Variants in MCCC1 observed in about 807,000 individuals in gnomAD.
The protein encoded by MCCC1 is methylcrotonyl-CoA carboxylase subunit 1, also known as methylcrotonoyl-CoA carboxylase subunit alpha, mitochondrial.
In MCCC1, 64 loss-of-function variants were observed where a neutral mutation model predicts 83.8. That is an observed-to-expected ratio of 0.76 (90% CI 0.62 to 0.94). MCCC1 has a LOEUF of 0.94. Ranked by LOEUF, MCCC1 falls within the 40% of genes least tolerant of loss-of-function variation. MCCC1 has a pLI of 0.00. For missense variants in MCCC1, 807 were observed against 904.7 expected (o/e 0.89, Z 1.39); for synonymous variants, 322 against 315.4 (o/e 1.02, Z -0.22).
chr3:183,085,246 C>A (rs1242303346), intron 4 of MCCC1, among the ~76,000 whole-genome samples: 3 of 152,118 alleles, frequency 2.0e-5, no homozygotes, highest in Non-Finnish European at 4.4e-5. Context: ...CCACTTCAAT[C>A]ATCCATTTCC....
chr3:183,043,520 A>C (rs1303961990), intron 10 of MCCC1, among the ~76,000 whole-genome samples: 41 of 152,242 alleles, frequency 2.7e-4, no homozygotes, highest in Non-Finnish European at 2.9e-5. Flanking sequence ...GGACACTTAC[A>C]TCAGTCATCA....
At chr3:183,106,555 G>A (rs1719410532) in intron 1 of MCCC1, among the ~76,000 whole-genome samples, 1 of 147,790 alleles carries the variant, frequency 6.8e-6, no homozygotes, top group Non-Finnish European at 1.5e-5. Flanking sequence ...CTGGAGTGCA[G>A]GGGTGCAATC....
intron 7 of MCCC1, among the ~76,000 whole-genome samples, chr3:183,061,151 T>C (rs982680840): frequency 6.6e-6 from 1 of 152,164 alleles, no homozygotes; most frequent in Non-Finnish European, 1.5e-5. Context: ...CATTGCAACA[T>C]GGTGGTAGGG....
chr3:183,037,088 C>A, intron 13 of MCCC1, 130 bp downstream of exon 13: 6 of 877,774 alleles, frequency 6.8e-6, no homozygotes, highest in Non-Finnish European at 9.3e-6. Flanking sequence ...CTAAAAAACA[C>A]ATCTGAAAAG....
rs774352286 is a variant in MCCC1, at chr3:183,033,988, T to TA, written c.1681+2dup. ...ATTTCTCTTTTAATGAAACATTACT[T>TA]ACTGTTTTTACCATCTTTAAGAGTC... On this transcript the variant is annotated splice_region_variant and intron_variant, in intron 14 of 18. Coordinates refer to ENST00000265594, the MANE Select transcript of MCCC1 (RefSeq NM_020166.5). 1.7e-5 allele frequency: 27 copies of TA among 1,583,078 alleles called. No individual in the cohort carries two copies. In the African/African-American group the frequency reaches 3.5e-4, roughly 21 times the overall value.
At chr3:183,094,728 C>A in intron 1 of MCCC1, 123 bp from the exon 2 acceptor site, 1 of 930,258 alleles carries the variant, frequency 1.1e-6, no homozygotes, top group Non-Finnish European at 1.7e-6. Context: ...TTTAGTAAGA[C>A]TTTCTTAGTG....
intron 18 of MCCC1, 116 bp downstream of exon 18, chr3:183,017,150 G>A (rs965630564): frequency 1.3e-5 from 12 of 943,822 alleles, no homozygotes; most frequent in Admixed American, 3.5e-5. Context: ...TTAATGCTTC[G>A]TCAATCATGG....
rs1195106509 is a variant in MCCC1, at chr3:183,020,235, T to C, written c.1872A>G (p.Glu624=). The C allele has an allele frequency of 6.2e-6, 10 of 1,611,524 alleles. No homozygotes were observed. The highest frequency in any genetic ancestry group is 7.6e-6 in the Non-Finnish European group (9 of 1,177,698). ...CTGGAATGTCAATCTCAATACTTCC[T>C]TCCTAGAAACAGAAAACAAACTGAA... ...LENTIYLFSK[E]GSIEIDIPVP... The change falls in exon 17 of 19, where the codon GAA becomes GAG. Residue 624 remains glutamate, a splice_region_variant and synonymous_variant. Transcript: ENST00000265594.
chr3:183,081,095 G>C (rs79456945), intron 4 of MCCC1, among the ~76,000 whole-genome samples: 4 of 152,110 alleles, frequency 2.6e-5, no homozygotes, highest in Admixed American at 6.5e-5. Context: ...AAATTCAGTC[G>C]TACACTCTGG....
At chr3:183,068,663 A>C (rs1281740747) in intron 7 of MCCC1, among the ~76,000 whole-genome samples, 1 of 152,258 alleles carries the variant, frequency 6.6e-6, no homozygotes, top group Middle Eastern at 3.2e-3. Context: ...ACACAATGAC[A>C]TTCCATCAAT....
chr3:183,030,941 GTATT>G (rs776439026), intron 14 of MCCC1, among the ~76,000 whole-genome samples: 24 of 152,164 alleles, frequency 1.6e-4, no homozygotes, highest in Non-Finnish European at 2.9e-4. Context: ...AATACGACAT[GTATT>G]TAACTGGCGC....
At chr3:183,078,259 A>G (rs575361162) in intron 4 of MCCC1, among the ~76,000 whole-genome samples, 2 of 152,284 alleles carry the variant, frequency 1.3e-5, no homozygotes, top group East Asian at 3.9e-4. Flanking sequence ...ACCTCAAGTG[A>G]TCTGCCCACC....
chr3:183,091,804 C>T (rs1718361539), intron 3 of MCCC1, among the ~76,000 whole-genome samples: 1 of 151,936 alleles, frequency 6.6e-6, no homozygotes, highest in African/African-American at 2.4e-5. Context: ...TTTGGGAGGC[C>T]AAGGTGGGCG....
intron 4 of MCCC1, among the ~76,000 whole-genome samples, chr3:183,082,041 C>T (rs565311030): frequency 6.2e-4 from 95 of 152,318 alleles, no homozygotes; most frequent in African/African-American, 2.2e-3. Flanking sequence ...CCTAGTCTAA[C>T]TAAGCTGCTA....
intron 1 of MCCC1, among the ~76,000 whole-genome samples, chr3:183,104,681 A>G (rs1381742061): frequency 6.6e-6 from 1 of 152,246 alleles, no homozygotes; most frequent in Non-Finnish European, 1.5e-5. Flanking sequence ...AGGAATTCAC[A>G]GAATAGAAAA....
chr3:183,065,087 T>C (rs1463551630), intron 7 of MCCC1, among the ~76,000 whole-genome samples: 1 of 152,140 alleles, frequency 6.6e-6, no homozygotes, highest in Non-Finnish European at 1.5e-5. Context: ...TTTGCATGTC[T>C]TTCTGAATTG....
At chr3:183,102,456 G>A (rs953070283), upstream of MCCC1, among the ~76,000 whole-genome samples, 2 of 152,032 alleles carry the variant, frequency 1.3e-5, no homozygotes, top group Admixed American at 6.5e-5. Context: ...AGAAGTATAA[G>A]GATGATTCAC....
In MCCC1 at chr3:183,106,081, T is replaced by TAAAAAAAAAAAAAAAAAA. The variant is rs563718218; in HGVS notation, c.-102+9392_-102+9393insTTTTTTTTTTTTTTTTTT. Reference sequence around the variant, plus strand: ...TCCAGCCTGAGCAACAGAGAGTCCGTAAAAAAAAAAAAAAAGACTACCAAA... The same window carrying TAAAAAAAAAAAAAAAAAA: ...TCCAGCCTGAGCAACAGAGAGTCCGTAAAAAAAAAAAAAAAAAAAAAAAAAAAAAAAAAGACTACCAAA... On this transcript the variant is annotated intron_variant, in intron 1 of 17. Transcript: ENST00000492597. Among the ~76,000 whole-genome samples the TAAAAAAAAAAAAAAAAAA allele has an allele frequency of 1.9e-3, 195 of 100,982 alleles. 3 individuals are homozygous for TAAAAAAAAAAAAAAAAAA. The highest frequency in any genetic ancestry group is 6.8e-3 in the African/African-American group (188 of 27,714). The allele number at this position is 100,982 out of a possible 152,430, so 66.2% of individuals were successfully genotyped here.
chr3:183,071,687 T>C lies in MCCC1; in HGVS notation c.492-330A>G, dbSNP rs562424889. Among the ~76,000 whole-genome samples, 88 of 144,766 alleles carry C rather than the reference T, an allele frequency of 6.1e-4. 1 individual carries two copies. The Admixed American group carries it at 6.4e-3, about 10-fold the overall frequency. 95.0% of individuals were successfully genotyped at this position (144,766 alleles called of 152,430 possible). A position where few individuals can be genotyped will look rare whatever the true frequency, so the allele number is the denominator to read the frequency against. On this transcript the variant is annotated intron_variant, in intron 5 of 18. Transcript: ENST00000265594. Reference sequence around the variant, plus strand: ...ACAGAAGGGTAGAATTAAAATATTATAGGTAAAACAAACTATTTCTTTTTT... The same window carrying C: ...ACAGAAGGGTAGAATTAAAATATTACAGGTAAAACAAACTATTTCTTTTTT...
Sources: gnomAD v4.1 joint callset for allele counts (sites outside exome capture counted in the v4.1 genomes callset) on GRCh38, gnomAD v4.1.1 for gene constraint, MANE v1.5 for transcripts, NCBI Gene and HGNC (gene_info 2026-07-23, HGNC 2026-07-21) for gene names.